SPATA21: variants seen among roughly 807,000 people sequenced by gnomAD.
SPATA21 encodes spermatogenesis-associated protein 21.
Under a neutral mutation model 54.8 loss-of-function variants are expected in SPATA21, and 47 were observed. That is an observed-to-expected ratio of 0.86 (90% CI 0.68 to 1.09). The LOEUF is 1.09. Among genes scored for constraint, SPATA21 ranks in the 50% least tolerant of loss-of-function variants. The pLI is 0.00. For missense variants in SPATA21, 599 were observed against 596.4 expected, an observed-to-expected ratio of 1.00 and a Z score of -0.05; for synonymous variants, 245 against 235.3, an observed-to-expected ratio of 1.04 and a Z score of -0.38.
At chr1:16,429,679 G>T (rs2086408569) in intron 3 of SPATA21, among the ~76,000 whole-genome samples, 1 of 150,336 alleles carries the variant, frequency 6.7e-6, no homozygotes, top group Non-Finnish European at 1.5e-5. Flanking sequence ...TCTCCATGTT[G>T]GTCAGGCTGG....
intron 10 of SPATA21, among the ~76,000 whole-genome samples, chr1:16,402,228 T>C (rs1387519615): frequency 6.9e-6 from 1 of 145,578 alleles, no homozygotes; most frequent in East Asian, 2.1e-4. Flanking sequence ...CCCTTTCTTC[T>C]GGCAGTTCTG....
At chr1:16,398,640 G>A, downstream of SPATA21, 1 of 1,065,568 alleles carries the variant, frequency 9.4e-7, no homozygotes, top group South Asian at 1.4e-5. Context: ...GAGGCACAGA[G>A]GCTGAAGTTA....
chr1:16,402,627 G>A (rs950877306), intron 10 of SPATA21, among the ~76,000 whole-genome samples: 2 of 151,390 alleles, frequency 1.3e-5, no homozygotes, highest in African/African-American at 4.8e-5. Context: ...TGCCATCATG[G>A]CTCACTGCAG....
chr1:16,426,577 A>AT (rs1199145236), intron 3 of SPATA21, among the ~76,000 whole-genome samples: 8 of 111,102 alleles, frequency 7.2e-5, no homozygotes, highest in South Asian at 2.7e-4. Context: ...ATATATATAT[A>AT]TATTTTTTTT....
chr1:16,415,653 G>A (rs1431248579), intron 5 of SPATA21, among the ~76,000 whole-genome samples: 5 of 151,910 alleles, frequency 3.3e-5, no homozygotes, highest in Admixed American at 1.3e-4. Context: ...TCCACCTCCC[G>A]GGTTCACGCC....
chr1:16,400,779 G>C lies in SPATA21; in HGVS notation c.1115C>G (p.Ser372Ter), dbSNP rs1435230598. ...LPYNPQQEES[S>*]EVPERKVLSI... ...GAGGACCTTTCGTTCTGGAACTTCT[G>C]AGCTCTCTTCTTGCTGGGGGTTGTA... Residue 372 changes from serine (S) to a stop codon, truncating the protein, a stop_gained, in exon 11 of 13, where the codon TCA becomes TGA. Transcript: ENST00000335496. LOFTEE classifies it high-confidence loss of function. 5.0e-6 allele frequency: 8 copies of C among 1,613,840 alleles called. No homozygotes were observed. The highest frequency in any genetic ancestry group is 6.8e-6 in the Non-Finnish European group (8 of 1,179,994).
intron 1 of SPATA21, among the ~76,000 whole-genome samples, chr1:16,433,270 G>A (rs1435914311): frequency 6.6e-6 from 1 of 152,196 alleles, no homozygotes; most frequent in African/African-American, 2.4e-5. Context: ...GGCCCTTCCT[G>A]CAGTTACAGC....
chr1:16,405,723 A>G (rs1424628107), intron 7 of SPATA21, among the ~76,000 whole-genome samples: 2 of 152,106 alleles, frequency 1.3e-5, no homozygotes, highest in Non-Finnish European at 2.9e-5. Context: ...TGACTAGTAC[A>G]CGGCCTTTGT....
At chr1:16,432,078 CTTTCTT>C (rs1206111047) in intron 2 of SPATA21, among the ~76,000 whole-genome samples, 1 of 151,230 alleles carries the variant, frequency 6.6e-6, no homozygotes, top group Non-Finnish European at 1.5e-5. Flanking sequence ...TGGACACATC[CTTTCTT>C]TTTCTTTTTC....
intron 11 of SPATA21, among the ~76,000 whole-genome samples, chr1:16,399,734 G>A (rs1293773687): frequency 6.6e-6 from 1 of 152,216 alleles, no homozygotes; most frequent in Non-Finnish European, 1.5e-5. Flanking sequence ...TATATGCAAA[G>A]CACTCAGCTC....
chr1:16,402,291 C>T (rs1273734935), intron 10 of SPATA21, among the ~76,000 whole-genome samples: 15 of 91,960 alleles, frequency 1.6e-4, no homozygotes, highest in Non-Finnish European at 2.0e-4. Flanking sequence ...GATGGAGTTT[C>T]GCTCTTGTTG....
At chr1:16,425,107 CAG>C (rs1311672502) in intron 3 of SPATA21, 2 of 393,312 alleles carry the variant, frequency 5.1e-6, no homozygotes, top group Non-Finnish European at 1.0e-5. Context: ...TTAGTAGAGA[CAG>C]GGTTTTACCA....
At chr1:16,400,616 A>C (rs546632552) in intron 11 of SPATA21, 104 bp downstream of exon 11, 243 of 1,502,870 alleles carry the variant, frequency 1.6e-4, no homozygotes, top group Non-Finnish European at 2.1e-4. Context: ...CTGGCCTCTC[A>C]GCTCCCTTGG....
rs374542375 is a variant in SPATA21 at position 16,411,590 on chromosome 1, A to T, written c.145-1547T>A. Among the ~76,000 whole-genome samples the T allele has an allele frequency of 4.1e-4, 62 of 152,180 alleles. 3 individuals are homozygous for T. Among genetic ancestry groups the T allele is most frequent in the Admixed American group, 2.1e-3 (32 of 15,278 alleles). Reference sequence around the variant, plus strand: ...CGGATCACAAGGTCAGGAGATCGAGACCATCTTGACTAACATAGTGAAACC... The same window carrying T: ...CGGATCACAAGGTCAGGAGATCGAGTCCATCTTGACTAACATAGTGAAACC... On this transcript the variant is annotated intron_variant, in intron 5 of 12. Transcript: ENST00000335496.
rs956837311 is a variant in SPATA21 at position 16,407,037 on chromosome 1, A to G, written c.674-1933T>C. The stretch of plus-strand genomic sequence containing the variant: ...TGCATTCATGTGAGCCTCTATATCC[A>G]TATCTGTACGATGGCCATGACAACA... On this transcript the variant is annotated intron_variant, in intron 7 of 12. Transcript: ENST00000335496. 3.9e-5 allele frequency among the ~76,000 whole-genome samples: 6 copies of G among 152,222 alleles called. No homozygotes were observed. The South Asian group carries it at 8.3e-4, about 21-fold the overall frequency.
chr1:16,425,500 T>C, intron 3 of SPATA21: 2 of 1,547,456 alleles, frequency 1.3e-6, no homozygotes, highest in Non-Finnish European at 1.7e-6. Flanking sequence ...TTCCATACCC[T>C]TCTCCCCAGA....
At chr1:16,400,032 G>GT (rs111714606) in intron 11 of SPATA21, among the ~76,000 whole-genome samples, 3,836 of 145,544 alleles carry the variant, frequency 0.026, 126 homozygotes, top group African/African-American at 0.084. Flanking sequence ...TTTCATTTTT[G>GT]TTTTTTTTTT....
intron 3 of SPATA21, among the ~76,000 whole-genome samples, chr1:16,424,310 C>CA (rs779826467): frequency 0.14 from 14,555 of 107,328 alleles, 1,042 homozygotes; most frequent in Middle Eastern, 0.21. Flanking sequence ...AAGACTGTCT[C>CA]AAAAAAAAAA....
chr1:16,431,070 T>G (rs1289220832), intron 3 of SPATA21, among the ~76,000 whole-genome samples: 2 of 152,180 alleles, frequency 1.3e-5, no homozygotes, highest in Non-Finnish European at 2.9e-5. Context: ...AAGGCATGTG[T>G]CAGTTACCCA....
Sources: gnomAD v4.1 joint callset for allele counts (sites outside exome capture counted in the v4.1 genomes callset) on GRCh38, gnomAD v4.1.1 for gene constraint, MANE v1.5 for transcripts, NCBI Gene and HGNC (gene_info 2026-07-23, HGNC 2026-07-21) for gene names.